EXOC6: variants seen among roughly 807,000 people sequenced by gnomAD.
The protein encoded by EXOC6 is exocyst complex component 6, also known as SEC15-like 1.
A neutral mutation model predicts 112.5 loss-of-function variants in EXOC6; 60 were observed. The ratio of observed to expected loss-of-function variants is 0.53; its 90% confidence interval spans 0.43 to 0.66. The LOEUF (loss-of-function observed/expected upper bound fraction) is 0.66, where lower values mean the gene tolerates loss of function less well. Among genes scored for constraint, EXOC6 ranks in the 30% least tolerant of loss-of-function variants. The pLI, the probability that EXOC6 is intolerant of heterozygous loss-of-function variation, is 0.00. For synonymous variants in EXOC6, 295 were observed against 308.0 expected, an observed-to-expected ratio of 0.96 and a Z score of 0.44; for missense variants, 855 against 957.1, an observed-to-expected ratio of 0.89 and a Z score of 1.41.
At chr10:92,954,503 A>T in intron 15 of EXOC6, 127 bp from the exon 16 acceptor site, 1 of 497,698 alleles carries the variant, frequency 2.0e-6, no homozygotes, top group Non-Finnish European at 3.5e-6. Flanking sequence ...GGGTCTTTGT[A>T]GTTTATTTAA....
intron 20 of EXOC6, among the ~76,000 whole-genome samples, chr10:93,039,808 C>G (rs1320761823): frequency 6.6e-6 from 1 of 152,130 alleles, no homozygotes; most frequent in Non-Finnish European, 1.5e-5. Flanking sequence ...ACCTGAAAAC[C>G]CTCATTGCAA....
At position 92,911,948 on chromosome 10, in the gene EXOC6, T is replaced by C. The variant is rs1386234505; in HGVS notation, c.663+2317T>C. Among the ~76,000 whole-genome samples, 29 of 144,946 alleles carry C rather than the reference T, an allele frequency of 2.0e-4. No homozygotes were observed. The East Asian group carries it at 4.8e-3, about 24-fold the overall frequency. Reference sequence around the variant, plus strand: ...CTCTCTCTCTGTGTGCGTGTGTGTGTGTGTGTGTGTGTGTGTGTGTGTGTG... The same window carrying C: ...CTCTCTCTCTGTGTGCGTGTGTGTGCGTGTGTGTGTGTGTGTGTGTGTGTG... On this transcript the variant is annotated intron_variant, in intron 6 of 21. Coordinates refer to ENST00000260762, the MANE Select transcript of EXOC6 (RefSeq NM_019053.6).
intron 6 of EXOC6, among the ~76,000 whole-genome samples, chr10:92,910,178 TCATAG>T (rs1456088107): frequency 2.0e-5 from 3 of 152,178 alleles, no homozygotes; most frequent in African/African-American, 7.2e-5. Flanking sequence ...CTCACGATAG[TCATAG>T]CATCTTTGTT....
intron 18 of EXOC6, among the ~76,000 whole-genome samples, chr10:92,976,612 A>G (rs1412168316): frequency 2.5e-5 from 3 of 117,890 alleles, no homozygotes; most frequent in African/African-American, 1.1e-4. Flanking sequence ...CTATTGTCCT[A>G]TGACCCTGCC....
chr10:92,920,522 C>T (rs756460318), intron 8 of EXOC6, among the ~76,000 whole-genome samples: 1 of 152,148 alleles, frequency 6.6e-6, no homozygotes, highest in Non-Finnish European at 1.5e-5. Flanking sequence ...ATACCCATTA[C>T]CCACCCCTCC....
At chr10:92,973,204 T>C (rs1842367186) in intron 17 of EXOC6, among the ~76,000 whole-genome samples, 2 of 152,212 alleles carry the variant, frequency 1.3e-5, no homozygotes, top group African/African-American at 2.4e-5. Flanking sequence ...GATAATTCTC[T>C]GAGAATGTGG....
intron 1 of EXOC6, among the ~76,000 whole-genome samples, chr10:92,842,440 G>GTCATCATCA (rs137992222): frequency 1.7e-3 from 254 of 147,804 alleles, no homozygotes; most frequent in African/African-American, 5.3e-3. Context: ...AATGTCAGCT[G>GTCATCATCA]TCATCATCAT....
At chr10:92,850,828 G>GT (rs1847289909) in intron 1 of EXOC6, among the ~76,000 whole-genome samples, 1 of 151,912 alleles carries the variant, frequency 6.6e-6, no homozygotes, top group African/African-American at 2.4e-5. Context: ...TATTTATATT[G>GT]TTTTTTCTCA....
In EXOC6 at chr10:92,920,076, A is replaced by G. The variant is rs767462180; in HGVS notation, c.888+26A>G. 3.7e-6 allele frequency: 5 copies of G among 1,361,236 alleles called. No individual in the cohort carries two copies. The African/African-American group carries it at 4.4e-5, about 12-fold the overall frequency. 84.3% of individuals were successfully genotyped at this position (1,361,236 alleles called of 1,614,324 possible). A position where few individuals can be genotyped will look rare whatever the true frequency, so the allele number is the denominator to read the frequency against. On this transcript the variant is annotated intron_variant, in intron 8 of 21. Transcript: ENST00000260762. Reference sequence around the variant, plus strand: ...GTAAGTATGTTTTATATTTATGTATATATAGCTTTATATTATTTAAAAGGC... The same window carrying G: ...GTAAGTATGTTTTATATTTATGTATGTATAGCTTTATATTATTTAAAAGGC...
At chr10:92,989,815 T>C (rs1843159096) in intron 18 of EXOC6, among the ~76,000 whole-genome samples, 1 of 152,200 alleles carries the variant, frequency 6.6e-6, no homozygotes, top group Non-Finnish European at 1.5e-5. Context: ...GGACAGATAA[T>C]GGGATCAGTT....
intron 19 of EXOC6, among the ~76,000 whole-genome samples, chr10:93,002,123 T>G (rs1393919926): frequency 6.6e-6 from 1 of 152,228 alleles, no homozygotes; most frequent in East Asian, 1.9e-4. Flanking sequence ...GATTCTATTA[T>G]CTCTGTGTAT....
intron 20 of EXOC6, among the ~76,000 whole-genome samples, chr10:93,018,010 CAAA>C (rs373643138): frequency 2.2e-5 from 2 of 91,558 alleles, no homozygotes; most frequent in Non-Finnish European, 2.3e-5. Context: ...AACTCTGTCT[CAAA>C]AAAAAAAAAA....
Position 92,896,031 on chromosome 10 carries a change from GTGTGTATATATA to G in EXOC6, c.412+1061_412+1072del, listed in dbSNP as rs1308484422. 1.1e-3 allele frequency among the ~76,000 whole-genome samples: 132 copies of G among 125,378 alleles called. 3 individuals are homozygous for G. The highest frequency in any genetic ancestry group is 1.8e-3 in the Non-Finnish European group (110 of 61,218). The allele number at this position is 125,378 out of a possible 152,430, so 82.3% of individuals were successfully genotyped here. ...TATGTGTATATATGTGTATATATAT[GTGTGTATATATA>G]TGTGTATATATATGTGTATATATAT... On this transcript the variant is annotated intron_variant, in intron 4 of 21. Transcript: ENST00000260762.
chr10:93,053,080 C>T (rs1846376699), intron 20 of EXOC6, among the ~76,000 whole-genome samples: 1 of 152,096 alleles, frequency 6.6e-6, no homozygotes, highest in African/African-American at 2.4e-5. Flanking sequence ...GAAGCCTAAC[C>T]AATTGTGAGA....
At chr10:92,873,317 G>A (rs2133732997) in intron 1 of EXOC6, among the ~76,000 whole-genome samples, 1 of 152,234 alleles carries the variant, frequency 6.6e-6, no homozygotes, top group South Asian at 2.1e-4. Flanking sequence ...ATTACAGTGA[G>A]TATTAATGTC....
At position 93,058,403 on chromosome 10, in the gene EXOC6, T is replaced by A; in HGVS notation, c.*48T>A. The A allele has an allele frequency of 6.6e-7, 1 of 1,516,410 alleles. No homozygotes were observed. Among genetic ancestry groups the A allele is most frequent in the East Asian group, 2.4e-5 (1 of 41,196 alleles). The allele number at this position is 1,516,410 out of a possible 1,614,324, so 93.9% of individuals were successfully genotyped here. A position where few individuals can be genotyped will look rare whatever the true frequency, so the allele number is the denominator to read the frequency against. ...TGACACCAAATCCATGATTCAATGT[T>A]GATCTTGAGCAAGTATTGGTCATGA... On this transcript the variant is annotated 3_prime_UTR_variant, in exon 22 of 22. Transcript: ENST00000260762.
rs983426223 is a variant in EXOC6, at chr10:93,024,023, T to C, written c.2169+9756T>C. Reference sequence around the variant, plus strand: ...ACTTTAAAGAAGGTGTCTCTCACTTTCATAGCTTCTAACGGCATATAATTT... The same window carrying C: ...ACTTTAAAGAAGGTGTCTCTCACTTCCATAGCTTCTAACGGCATATAATTT... On this transcript the variant is annotated intron_variant, in intron 20 of 21. Coordinates refer to ENST00000260762, the MANE Select transcript of EXOC6 (RefSeq NM_019053.6). Among the ~76,000 whole-genome samples, 3 of 152,228 alleles carry C rather than the reference T, an allele frequency of 2.0e-5. No individual in the cohort carries two copies. The East Asian group carries it at 5.8e-4, about 29-fold the overall frequency.
chr10:92,960,592 C>CA (rs56016433), intron 17 of EXOC6, among the ~76,000 whole-genome samples: 55,727 of 112,718 alleles, frequency 0.49, 12,348 homozygotes, highest in African/African-American at 0.63. Context: ...ATTTAAATTG[C>CA]AAAAAAAAAA....
intron 1 of EXOC6, among the ~76,000 whole-genome samples, chr10:92,828,530 C>T (rs1846421105): frequency 6.6e-6 from 1 of 151,860 alleles, no homozygotes; most frequent in Non-Finnish European, 1.5e-5. Flanking sequence ...GACAGGGTTT[C>T]ACTATGTTGG....
Sources: allele counts gnomAD v4.1 joint callset (sites outside exome capture counted in the v4.1 genomes callset), GRCh38; gene constraint gnomAD v4.1.1; transcripts MANE v1.5; gene names NCBI Gene and HGNC (gene_info 2026-07-23, HGNC 2026-07-21).